Variants in LRIF1 observed in about 807,000 individuals in gnomAD.
LRIF1 encodes the protein ligand dependent nuclear receptor interacting factor 1, also known as ligand-dependent nuclear receptor-interacting factor 1.
A neutral mutation model predicts 52.7 loss-of-function variants in LRIF1; 32 were observed. That is an observed-to-expected ratio of 0.61 (90% CI 0.46 to 0.82). The LOEUF (loss-of-function observed/expected upper bound fraction) is 0.82. Ranked by LOEUF, LRIF1 falls within the 40% of genes least tolerant of loss-of-function variation. The pLI is 0.00. For synonymous variants in LRIF1, 323 were observed against 317.4 expected, an observed-to-expected ratio of 1.02 and a Z score of -0.19; for missense variants, 887 against 892.0, an observed-to-expected ratio of 0.99 and a Z score of 0.07.
At chr1:110,888,390 C>T in the LRIF1 span, among the ~76,000 whole-genome samples, 6 of 152,342 alleles carry the variant, frequency 3.9e-5, no homozygotes, top group African/African-American at 1.4e-4. Context: ...CAGGCTCTCC[C>T]TCTATGCTCC....
rs1478664038 is a variant in LRIF1, at chr1:110,948,074, G to A, written c.2195C>T (p.Thr732Ile). ...KNYTEDIFPV[T>I]PPELEETIRD... ...AATGGTTTCTTCTAACTCCGGTGGT[G>A]TCACTGGGAAAATATCTTCGGTATA... is the stretch of plus-strand genomic sequence containing the variant. Residue 732 changes from threonine (T) to isoleucine (I), a missense_variant, in exon 4 of 4, where the codon ACA (threonine) becomes ATA (isoleucine). Coordinates refer to ENST00000369763, the MANE Select transcript of LRIF1 (RefSeq NM_018372.4). 4.3e-6 allele frequency: 7 copies of A among 1,614,006 alleles called. No individual in the cohort carries two copies. The highest frequency in any genetic ancestry group is 5.9e-6 in the Non-Finnish European group (7 of 1,179,984).
chr1:110,886,181 T>G, the LRIF1 span, among the ~76,000 whole-genome samples: 1 of 152,172 alleles, frequency 6.6e-6, no homozygotes, highest in South Asian at 2.1e-4. Flanking sequence ...GTTGCTCCAC[T>G]TTCTTCCAGC....
the LRIF1 span, among the ~76,000 whole-genome samples, chr1:110,912,942 A>G: frequency 3.9e-5 from 6 of 152,224 alleles, no homozygotes; most frequent in Non-Finnish European, 7.3e-5. Context: ...CTGCAACACT[A>G]TAGTAATCAA....
At chr1:110,921,217 C>A in the LRIF1 span, among the ~76,000 whole-genome samples, 1 of 151,896 alleles carries the variant, frequency 6.6e-6, no homozygotes, top group Admixed American at 6.6e-5. Context: ...AATTAAGTTA[C>A]GAATTTGGTA....
the LRIF1 span, chr1:110,892,548 C>A: frequency 6.2e-7 from 1 of 1,600,520 alleles, no homozygotes; most frequent in Non-Finnish European, 8.5e-7. Flanking sequence ...GTCCTTACAG[C>A]AGATGTGGTG....
the LRIF1 span, among the ~76,000 whole-genome samples, chr1:110,890,859 A>G: frequency 6.6e-6 from 1 of 152,260 alleles, no homozygotes. Flanking sequence ...AACAGAAAAC[A>G]TAAATGTTTC....
chr1:110,949,803 G>A lies in LRIF1; in HGVS notation c.1869+48C>T, dbSNP rs2232046. 1.2e-3 allele frequency: 1,850 copies of A among 1,531,686 alleles called. 26 individuals carry two copies. In the African/African-American group the frequency reaches 0.022, roughly 18 times the overall value. 94.9% of individuals were successfully genotyped at this position (1,531,686 alleles called of 1,614,324 possible). The stretch of plus-strand genomic sequence containing the variant: ...CCAAATCAAGAAAAGTAATATTCAT[G>A]TATCATTTGTAGTACCTATGAAGAG... On this transcript the variant is annotated intron_variant, in intron 3 of 3. Transcript: ENST00000369763.
chr1:110,883,902 T>A, the LRIF1 span, among the ~76,000 whole-genome samples: 2 of 151,986 alleles, frequency 1.3e-5, no homozygotes, highest in African/African-American at 4.8e-5. Flanking sequence ...ATATTGATAA[T>A]CTTTGTTCTC....
At chr1:110,876,890 C>G in the LRIF1 span, among the ~76,000 whole-genome samples, 507 of 152,296 alleles carry the variant, frequency 3.3e-3, 4 homozygotes, top group African/African-American at 0.011. Context: ...TGTTTATTCT[C>G]TGGCTCTCTC....
chr1:110,930,266 T>C, the LRIF1 span, among the ~76,000 whole-genome samples: 1 of 152,306 alleles, frequency 6.6e-6, no homozygotes, highest in East Asian at 1.9e-4. Context: ...GCCCCTCAAT[T>C]TGGGTTTATT....
chr1:110,956,079 T>A (rs1278224989), intron 1 of LRIF1, among the ~76,000 whole-genome samples: 1 of 152,204 alleles, frequency 6.6e-6, no homozygotes, highest in East Asian at 1.9e-4. Context: ...TTTATTTTCT[T>A]TATGAAAAAT....
chr1:110,936,108 T>G, the LRIF1 span, among the ~76,000 whole-genome samples: 1 of 152,216 alleles, frequency 6.6e-6, no homozygotes, highest in Non-Finnish European at 1.5e-5. Context: ...AAAAATATTC[T>G]TCACACATGA....
chr1:110,963,085 G>C (rs941965587), intron 1 of LRIF1, among the ~76,000 whole-genome samples: 1 of 152,176 alleles, frequency 6.6e-6, no homozygotes, highest in Non-Finnish European at 1.5e-5. Flanking sequence ...GACTTTACAC[G>C]AGGATTTCTC....
intron 1 of LRIF1, among the ~76,000 whole-genome samples, chr1:110,956,952 T>C (rs528711270): frequency 3.9e-5 from 6 of 152,234 alleles, no homozygotes; most frequent in African/African-American, 1.4e-4. Flanking sequence ...TAAATTTGTC[T>C]TTATCTTCAT....
At chr1:110,926,932 G>A in the LRIF1 span, among the ~76,000 whole-genome samples, 1 of 152,110 alleles carries the variant, frequency 6.6e-6, no homozygotes, top group Non-Finnish European at 1.5e-5. Flanking sequence ...CTAAGAGAAA[G>A]ACTAGAAAAT....
At chr1:110,958,290 A>G (rs1278908287) in intron 1 of LRIF1, among the ~76,000 whole-genome samples, 1 of 152,296 alleles carries the variant, frequency 6.6e-6, no homozygotes, top group African/African-American at 2.4e-5. Flanking sequence ...TTCTTCTCCA[A>G]CAATATAAAA....
the LRIF1 span, among the ~76,000 whole-genome samples, chr1:110,893,367 G>C: frequency 1.3e-5 from 2 of 152,216 alleles, no homozygotes; most frequent in Admixed American, 1.3e-4. Flanking sequence ...TTGTTGCCCA[G>C]GCTGGAGTGC....
chr1:110,925,442 C>T, the LRIF1 span, among the ~76,000 whole-genome samples: 1 of 152,144 alleles, frequency 6.6e-6, no homozygotes, highest in African/African-American at 2.4e-5. Context: ...CACGCGCATA[C>T]ACATACACAT....
At chr1:110,887,841 G>A in the LRIF1 span, among the ~76,000 whole-genome samples, 1 of 152,164 alleles carries the variant, frequency 6.6e-6, no homozygotes, top group East Asian at 1.9e-4. Context: ...ATTCTTAATG[G>A]ACACTTTGGT....
Sources: gnomAD v4.1 joint callset for allele counts (sites outside exome capture counted in the v4.1 genomes callset) on GRCh38, gnomAD v4.1.1 for gene constraint, MANE v1.5 for transcripts, NCBI Gene and HGNC (gene_info 2026-07-23, HGNC 2026-07-21) for gene names.